Variants in CCDC148 observed in about 807,000 individuals in gnomAD.
CCDC148 encodes the protein coiled-coil domain containing 148, also known as coiled-coil domain-containing protein 148.
In CCDC148, 89 loss-of-function variants were observed where a neutral mutation model predicts 85.7. That is an observed-to-expected ratio of 1.04 (90% CI 0.87 to 1.24). The LOEUF is 1.24. Ranked by LOEUF, CCDC148 falls within the 50% of genes most tolerant of loss-of-function variation. The probability of loss-of-function intolerance (pLI) is 0.00; values close to 1 mark genes in which losing one functional copy is unlikely to be tolerated. For synonymous variants in CCDC148, 230 were observed against 213.9 expected (o/e 1.08, Z -0.66); for missense variants, 692 against 671.7 (o/e 1.03, Z -0.33).
intron 9 of CCDC148, among the ~76,000 whole-genome samples, chr2:158,278,320 A>G (rs1690062719): frequency 6.6e-6 from 1 of 152,138 alleles, no homozygotes. Flanking sequence ...AAGCAGGGTG[A>G]GACATTGCCT....
intron 2 of CCDC148, among the ~76,000 whole-genome samples, chr2:158,350,480 C>T (rs373965974): frequency 6.6e-6 from 1 of 151,888 alleles, no homozygotes; most frequent in Non-Finnish European, 1.5e-5. Flanking sequence ...AAAACAATAC[C>T]TTGGGAAAGA....
At chr2:158,358,319 CTAT>C in intron 2 of CCDC148, 127 bp downstream of exon 2, 1 of 1,057,514 alleles carries the variant, frequency 9.5e-7, no homozygotes, top group Non-Finnish European at 1.4e-6. Context: ...CTGCTATTCA[CTAT>C]TATTTCTACT....
intron 1 of CCDC148, among the ~76,000 whole-genome samples, chr2:158,367,377 G>A (rs1224018473): frequency 6.6e-6 from 1 of 152,064 alleles, no homozygotes; most frequent in African/African-American, 2.4e-5. Context: ...TCTCATAGGA[G>A]ACCTCTCCTG....
chr2:158,190,108 T>C (rs1558968455), intron 11 of CCDC148, among the ~76,000 whole-genome samples: 1 of 151,898 alleles, frequency 6.6e-6, no homozygotes, highest in Non-Finnish European at 1.5e-5. Flanking sequence ...TTTGAGAAGC[T>C]GGAAGAGAAA....
At chr2:158,452,688 G>A (rs1688453440) in intron 1 of CCDC148, among the ~76,000 whole-genome samples, 1 of 152,230 alleles carries the variant, frequency 6.6e-6, no homozygotes, top group Non-Finnish European at 1.5e-5. Flanking sequence ...TGGTTAGGCA[G>A]TGGATTGGCT....
intron 2 of CCDC148, among the ~76,000 whole-genome samples, chr2:158,353,816 T>C (rs1252904442): frequency 1.1e-4 from 17 of 151,886 alleles, no homozygotes; most frequent in Admixed American, 2.6e-4. Context: ...AAATTGACCA[T>C]ATAGTTGGAA....
At chr2:158,399,639 C>A (rs1685685340) in intron 1 of CCDC148, among the ~76,000 whole-genome samples, 5 of 151,776 alleles carry the variant, frequency 3.3e-5, no homozygotes, top group Non-Finnish European at 2.9e-5. Context: ...AAAATAAGAG[C>A]TATTTATGAC....
chr2:158,288,859 T>C (rs1489775427), intron 9 of CCDC148: 5 of 313,930 alleles, frequency 1.6e-5, no homozygotes, highest in South Asian at 2.8e-5. Flanking sequence ...AGAGGTTTAA[T>C]TGGACTTACA....
In CCDC148 at chr2:158,338,736, C is replaced by A. The variant is rs1230282798; in HGVS notation, c.754G>T (p.Asp252Tyr). 6.2e-7 allele frequency: 1 copy of A among 1,605,046 alleles called. No homozygotes were observed. Among genetic ancestry groups the A allele is most frequent in the African/African-American group, 1.3e-5 (1 of 74,176 alleles). ...GTTTTATCTTATCACCTGTATATGT[C>A]TTCCAACTGCAGATTAAAGTCTTGA... ...KLQDFNLQLE[D>Y]IYRNCQLSEE... The change falls in exon 7 of 14, where the codon GAC becomes TAC. Residue 252 changes from aspartate (D) to tyrosine (Y), a missense_variant. Coordinates refer to ENST00000283233, the MANE Select transcript of CCDC148 (RefSeq NM_138803.4).
rs200092655 is a variant in CCDC148, at chr2:158,220,730, A to G, written c.1252-17T>C. 2.5e-5 allele frequency: 38 copies of G among 1,527,156 alleles called. No homozygotes were observed. The highest frequency in any genetic ancestry group is 3.3e-5 in the Non-Finnish European group (37 of 1,132,812). The allele number at this position is 1,527,156 out of a possible 1,614,324, so 94.6% of individuals were successfully genotyped here. A position where few individuals can be genotyped will look rare whatever the true frequency, so the allele number is the denominator to read the frequency against. ...TTTTTTTATCTATTGTATAAATGTT[A>G]CATAAAATTTAAATTAACAACAGAT... On this transcript the variant is annotated splice_polypyrimidine_tract_variant and intron_variant, in intron 10 of 13. Coordinates refer to ENST00000283233, the MANE Select transcript of CCDC148 (RefSeq NM_138803.4).
chr2:158,296,421 T>C (rs1319856898), intron 9 of CCDC148, among the ~76,000 whole-genome samples: 4 of 152,206 alleles, frequency 2.6e-5, no homozygotes, highest in African/African-American at 9.7e-5. Flanking sequence ...TCTGTTCCAC[T>C]AGACATGTTT....
chr2:158,252,610 T>A (rs1688838984), intron 9 of CCDC148, among the ~76,000 whole-genome samples: 1 of 151,690 alleles, frequency 6.6e-6, no homozygotes, highest in Non-Finnish European at 1.5e-5. Context: ...CTTAAAACTT[T>A]CCTGCCCAGG....
At chr2:158,254,984 CCA>C (rs1688950533) in intron 9 of CCDC148, among the ~76,000 whole-genome samples, 2 of 89,316 alleles carry the variant, frequency 2.2e-5, no homozygotes, top group African/African-American at 9.2e-5. Context: ...CTTCTTTTCT[CCA>C]AAAAAAAAAA....
At chr2:158,205,116 G>A (rs1036220275) in intron 11 of CCDC148, among the ~76,000 whole-genome samples, 1 of 152,162 alleles carries the variant, frequency 6.6e-6, no homozygotes, top group Admixed American at 6.5e-5. Context: ...TTTGCTTTGG[G>A]GCAAGGCTGA....
chr2:158,433,091 A>AATATATATATATAT (rs1553521584), intron 1 of CCDC148, among the ~76,000 whole-genome samples: 221 of 51,196 alleles, frequency 4.3e-3, no homozygotes, highest in Non-Finnish European at 6.9e-3. Context: ...AAAAAAAAAA[A>AATATATATATATAT]ATATATATAT....
At chr2:158,385,661 T>C (rs573639146) in intron 1 of CCDC148, among the ~76,000 whole-genome samples, 19 of 152,226 alleles carry the variant, frequency 1.2e-4, no homozygotes, top group Middle Eastern at 3.4e-3. Flanking sequence ...CACAAAGATA[T>C]ATAAAAGAAG....
intron 10 of CCDC148, among the ~76,000 whole-genome samples, chr2:158,227,196 C>T (rs1240692606): frequency 6.6e-6 from 1 of 151,970 alleles, no homozygotes; most frequent in East Asian, 1.9e-4. Context: ...TGAGTGAACT[C>T]CCATTCACAA....
intron 1 of CCDC148, among the ~76,000 whole-genome samples, chr2:158,376,935 C>T (rs1190035839): frequency 3.3e-5 from 5 of 151,834 alleles, no homozygotes; most frequent in Admixed American, 6.6e-5. Flanking sequence ...CAGGGAGAGG[C>T]AGTGACTGAG....
At chr2:158,430,210 A>G (rs1027246643) in intron 1 of CCDC148, among the ~76,000 whole-genome samples, 3 of 152,198 alleles carry the variant, frequency 2.0e-5, no homozygotes, top group African/African-American at 7.2e-5. Context: ...CACCCCAATC[A>G]TTCACAGTAG....
Sources: gnomAD v4.1 joint callset for allele counts (sites outside exome capture counted in the v4.1 genomes callset) on GRCh38, gnomAD v4.1.1 for gene constraint, MANE v1.5 for transcripts, NCBI Gene and HGNC (gene_info 2026-07-23, HGNC 2026-07-21) for gene names.